Variants in PLXNC1 observed in about 807,000 individuals in gnomAD.
PLXNC1 encodes plexin C1.
A neutral mutation model predicts 178.2 loss-of-function variants in PLXNC1; 75 were observed. That is an observed-to-expected ratio of 0.42 (90% CI 0.35 to 0.51). The LOEUF (loss-of-function observed/expected upper bound fraction) is 0.51, where lower values mean the gene tolerates loss of function less well. PLXNC1 is among the 20% of genes least tolerant of loss of function. The pLI, the probability that PLXNC1 is intolerant of heterozygous loss-of-function variation, is 0.02. For missense variants in PLXNC1, 1,503 were observed against 1,984.4 expected, an observed-to-expected ratio of 0.76 and a Z score of 4.61; for synonymous variants, 790 against 779.9, an observed-to-expected ratio of 1.01 and a Z score of -0.22.
chr12:94,190,076 T>C (rs1331097806), intron 4 of PLXNC1, among the ~76,000 whole-genome samples: 1 of 151,732 alleles, frequency 6.6e-6, no homozygotes, highest in Middle Eastern at 3.2e-3. Flanking sequence ...AAGACACAAA[T>C]AGGACAGCTA....
chr12:94,173,229 A>T (rs1349503335), intron 2 of PLXNC1, among the ~76,000 whole-genome samples: 2 of 152,126 alleles, frequency 1.3e-5, no homozygotes, highest in African/African-American at 2.4e-5. Context: ...ACACACACCG[A>T]GTCTTTCTCC....
intron 3 of PLXNC1, among the ~76,000 whole-genome samples, chr12:94,182,738 AAAAG>A (rs958039750): frequency 2.0e-5 from 3 of 152,126 alleles, no homozygotes; most frequent in Non-Finnish European, 2.9e-5. Context: ...AAAGAAAAAA[AAAAG>A]AAAGAAGAAG....
At chr12:94,189,574 G>A (rs1457513322) in intron 4 of PLXNC1, among the ~76,000 whole-genome samples, 2 of 152,088 alleles carry the variant, frequency 1.3e-5, no homozygotes, top group African/African-American at 2.4e-5. Context: ...CAGCTACTCG[G>A]GAGGTTAAGG....
At chr12:94,274,912 C>A (rs781228245) in intron 21 of PLXNC1, among the ~76,000 whole-genome samples, 1 of 152,210 alleles carries the variant, frequency 6.6e-6, no homozygotes, top group African/African-American at 2.4e-5. Flanking sequence ...AATACACACA[C>A]GTCATTTAAA....
chr12:94,236,836 A>G (rs1415098860), intron 9 of PLXNC1, among the ~76,000 whole-genome samples: 1 of 152,242 alleles, frequency 6.6e-6, no homozygotes, highest in East Asian at 1.9e-4. Flanking sequence ...AGCATCTGTA[A>G]CATAAAAGTG....
At chr12:94,200,771 T>C (rs1045434402) in intron 4 of PLXNC1, among the ~76,000 whole-genome samples, 1 of 152,202 alleles carries the variant, frequency 6.6e-6, no homozygotes, top group Admixed American at 6.5e-5. Flanking sequence ...CACCAACTTT[T>C]AGTACACTCA....
intron 2 of PLXNC1, among the ~76,000 whole-genome samples, chr12:94,177,168 T>TAA: frequency 1.7e-5 from 1 of 60,206 alleles, no homozygotes; most frequent in African/African-American, 8.6e-5. Context: ...TATGTATATA[T>TAA]ATATATACGT....
At chr12:94,239,444 G>C (rs908477787) in intron 10 of PLXNC1, among the ~76,000 whole-genome samples, 2 of 152,236 alleles carry the variant, frequency 1.3e-5, no homozygotes, top group African/African-American at 2.4e-5. Flanking sequence ...ATGTGCGTCT[G>C]AGGTGGCGTA....
At chr12:94,271,049 C>T (rs944973391) in intron 21 of PLXNC1, among the ~76,000 whole-genome samples, 2 of 152,292 alleles carry the variant, frequency 1.3e-5, no homozygotes, top group East Asian at 3.9e-4. Flanking sequence ...GCTGCTTCTA[C>T]GGAACTTCTG....
chr12:94,240,545 G>C lies in PLXNC1; in HGVS notation c.2181G>C (p.Arg727=). ...THMKFSLPSS[R]KEMKDVCIQF... ...TGAAATTCTCTCTTCCATCAAGCCG[G>C]AAAGAAATGAAGGATGTGTGTATCC... The change falls in exon 11 of 31, where the codon CGG becomes CGC. Residue 727 remains arginine, a synonymous_variant. Coordinates refer to ENST00000258526, the MANE Select transcript of PLXNC1 (RefSeq NM_005761.3). The C allele has an allele frequency of 1.2e-6, 2 of 1,614,052 alleles. No homozygotes were observed. The highest frequency in any genetic ancestry group is 1.7e-6 in the Non-Finnish European group (2 of 1,179,928).
At chr12:94,272,709 A>G (rs1965649915) in intron 21 of PLXNC1, among the ~76,000 whole-genome samples, 2 of 152,238 alleles carry the variant, frequency 1.3e-5, no homozygotes, top group African/African-American at 4.8e-5. Flanking sequence ...AATCTGGAGC[A>G]TACTGGCCAC....
chr12:94,290,443 G>A (rs147180773), intron 23 of PLXNC1, among the ~76,000 whole-genome samples: 1 of 152,276 alleles, frequency 6.6e-6, no homozygotes, highest in Non-Finnish European at 1.5e-5. Flanking sequence ...GAAGAGCTCA[G>A]TAAGAGTTAA....
intron 23 of PLXNC1, 26 bp downstream of exon 23, chr12:94,282,427 C>A: frequency 7.0e-7 from 1 of 1,432,368 alleles, no homozygotes; most frequent in South Asian, 1.2e-5. Flanking sequence ...GACCCCGTGT[C>A]TCCTTCCTCA....
intron 21 of PLXNC1, among the ~76,000 whole-genome samples, chr12:94,268,088 G>A (rs1310429810): frequency 6.6e-6 from 1 of 152,168 alleles, no homozygotes; most frequent in Non-Finnish European, 1.5e-5. Flanking sequence ...ACAGAACCTG[G>A]TGCCAAGGCA....
intron 21 of PLXNC1, chr12:94,278,083 C>T (rs755444473): frequency 2.4e-5 from 11 of 455,874 alleles, no homozygotes; most frequent in Middle Eastern, 3.3e-4. Flanking sequence ...TCTGTATGGG[C>T]GAGCATCTTC....
rs921647884 is a variant in PLXNC1, at chr12:94,279,588, C to T, written c.3714C>T (p.Phe1238=). ...DTIGQAKEKI[F]QAFLSKNGSP... is the part of the protein sequence containing the mutation. ...TTGGCCAAGCCAAAGAAAAGATTTT[C>T]CAAGCATTCTTAAGCAAAAATGGCT... Residue 1238 remains phenylalanine (F), a synonymous_variant, in exon 22 of 31, where the codon TTC becomes TTT. Coordinates refer to ENST00000258526, the MANE Select transcript of PLXNC1 (RefSeq NM_005761.3). 10 of 1,614,066 alleles carry T rather than the reference C, an allele frequency of 6.2e-6. No homozygotes were observed. The African/African-American group carries it at 6.7e-5, about 11-fold the overall frequency.
chr12:94,277,516 C>T (rs1485197878), intron 21 of PLXNC1, among the ~76,000 whole-genome samples: 1 of 152,190 alleles, frequency 6.6e-6, no homozygotes, highest in East Asian at 1.9e-4. Context: ...TTGTTATGCC[C>T]TCTTTGCAGA....
chr12:94,302,750 C>T (rs1968590980), intron 28 of PLXNC1, among the ~76,000 whole-genome samples: 1 of 152,176 alleles, frequency 6.6e-6, no homozygotes, highest in Non-Finnish European at 1.5e-5. Context: ...TTTCTGTCAA[C>T]TACTGCTGCT....
intron 10 of PLXNC1, among the ~76,000 whole-genome samples, chr12:94,238,745 T>C (rs1303291968): frequency 6.6e-6 from 1 of 152,222 alleles, no homozygotes; most frequent in East Asian, 1.9e-4. Context: ...TACTGAATTT[T>C]CTTCTTTAAT....
Sources: gnomAD v4.1 joint callset for allele counts (sites outside exome capture counted in the v4.1 genomes callset) on GRCh38, gnomAD v4.1.1 for gene constraint, MANE v1.5 for transcripts, NCBI Gene and HGNC (gene_info 2026-07-23, HGNC 2026-07-21) for gene names.